Variants in SHANK2 observed in about 807,000 individuals in gnomAD.
The protein encoded by SHANK2 is SH3 and multiple ankyrin repeat domains 2.
A neutral mutation model predicts 133.7 loss-of-function variants in SHANK2; 43 were observed. That is an observed-to-expected ratio of 0.32 (90% CI 0.25 to 0.41). SHANK2 has a LOEUF of 0.41. Among genes scored for constraint, SHANK2 ranks in the 10% least tolerant of loss-of-function variants. The pLI is 1.00. For missense variants in SHANK2, 1,994 were observed against 2,235.8 expected, an observed-to-expected ratio of 0.89 and a Z score of 2.18; for synonymous variants, 1,017 against 952.8, an observed-to-expected ratio of 1.07 and a Z score of -1.24.
At chr11:70,826,097 GC>G (rs1724688526) in intron 11 of SHANK2, among the ~76,000 whole-genome samples, 1 of 152,180 alleles carries the variant, frequency 6.6e-6, no homozygotes, top group Admixed American at 6.5e-5. Flanking sequence ...GCCCCGACCT[GC>G]CTCGGCCAGT....
At chr11:71,121,312 T>C (rs1952079501) in intron 3 of SHANK2, among the ~76,000 whole-genome samples, 1 of 152,202 alleles carries the variant, frequency 6.6e-6, no homozygotes. Context: ...TCTAAATAAA[T>C]GTTGAAGTCC....
intron 11 of SHANK2, among the ~76,000 whole-genome samples, chr11:70,845,230 G>GA (rs1249686220): frequency 7.0e-6 from 1 of 143,258 alleles, no homozygotes; most frequent in Non-Finnish European, 1.5e-5. Context: ...GAAAAAGAAA[G>GA]AAAGAAAAGA....
At chr11:70,650,752 C>A (rs1254733244) in intron 17 of SHANK2, among the ~76,000 whole-genome samples, 4 of 152,200 alleles carry the variant, frequency 2.6e-5, no homozygotes, top group African/African-American at 7.2e-5. Flanking sequence ...AAGCCTGGAG[C>A]CAACACCATC....
At chr11:71,135,163 C>T (rs1952412761) in intron 3 of SHANK2, among the ~76,000 whole-genome samples, 1 of 152,138 alleles carries the variant, frequency 6.6e-6, no homozygotes, top group African/African-American at 2.4e-5. Context: ...GACCCTCTCC[C>T]ATCCTCTGAG....
At position 70,734,439 on chromosome 11, in the gene SHANK2, T is replaced by A. The variant is rs538658597; in HGVS notation, c.1778-35676A>T. 1.9e-4 allele frequency among the ~76,000 whole-genome samples: 29 copies of A among 152,258 alleles called. No individual in the cohort carries two copies. In the South Asian group the frequency reaches 5.4e-3, roughly 28 times the overall value. ...TGACTCCCATACCCAGTCCACACGC[T>A]CCACACTGACAGCTCAGGGTGCCTG... is the stretch of plus-strand genomic sequence containing the variant. On this transcript the variant is annotated intron_variant, in intron 14 of 25. Transcript: ENST00000601538.
Position 70,485,510 on chromosome 11 carries a change from T to C in SHANK2, c.4783A>G (p.Lys1595Glu). The change falls in exon 25 of 26, where the codon AAG (lysine) becomes GAG (glutamate). Residue 1595 changes from lysine (K) to glutamate (E), a missense_variant. Coordinates refer to ENST00000601538, the MANE Select transcript of SHANK2 (RefSeq NM_012309.5). This position sits in a 1 kb window ranked among gnomAD's most constrained non-coding sequence, Gnocchi z 5.8. Reference protein sequence around the residue: ...PPGSAQPGMAKVLQPRTSKLW... With the variant: ...PPGSAQPGMAEVLQPRTSKLW... ...TTGGAGGTCCTTGGCTGGAGAACCT[T>C]GGCCATCCCAGGCTGGGCACTGCCC... is the stretch of plus-strand genomic sequence containing the variant. 1 of 1,613,486 alleles carries C rather than the reference T, an allele frequency of 6.2e-7. No homozygotes were observed. Among genetic ancestry groups the C allele is most frequent in the Non-Finnish European group, 8.5e-7 (1 of 1,179,990 alleles).
chr11:71,166,543 T>C (rs902631818), intron 2 of SHANK2, among the ~76,000 whole-genome samples: 11 of 150,350 alleles, frequency 7.3e-5, no homozygotes, highest in Non-Finnish European at 1.5e-4. Context: ...TGCAGTGGCA[T>C]GATCTCGGCT....
At chr11:70,901,158 C>T (rs1418602884) in intron 10 of SHANK2, among the ~76,000 whole-genome samples, 6 of 152,184 alleles carry the variant, frequency 3.9e-5, no homozygotes, top group Non-Finnish European at 1.5e-5. Context: ...CTCCACATCA[C>T]AGTCAGCACC....
intron 14 of SHANK2, among the ~76,000 whole-genome samples, chr11:70,747,223 G>A (rs1555036419): frequency 1.3e-5 from 2 of 151,996 alleles, no homozygotes; most frequent in Middle Eastern, 3.2e-3. Context: ...CGGTGGCAGA[G>A]TTTGCAGCAA....
intron 10 of SHANK2, among the ~76,000 whole-genome samples, chr11:70,942,124 T>C (rs546154782): frequency 1.9e-4 from 29 of 151,880 alleles, no homozygotes; most frequent in African/African-American, 6.5e-4. Context: ...GAGGCGGAGG[T>C]TGCGGTGAAC....
intron 3 of SHANK2, among the ~76,000 whole-genome samples, chr11:71,137,604 G>A (rs1448437770): frequency 6.6e-6 from 1 of 152,164 alleles, no homozygotes; most frequent in Non-Finnish European, 1.5e-5. Context: ...CTGGCTGCAG[G>A]GAGCTGGGCC....
chr11:70,876,779 C>T (rs566449232), intron 11 of SHANK2, among the ~76,000 whole-genome samples: 5 of 152,234 alleles, frequency 3.3e-5, no homozygotes, highest in African/African-American at 9.6e-5. Flanking sequence ...AGCGCAGAGT[C>T]GAGTCTCGTG....
chr11:71,185,148 TG>T (rs1555114304), intron 2 of SHANK2, among the ~76,000 whole-genome samples: 1 of 152,216 alleles, frequency 6.6e-6, no homozygotes, highest in Non-Finnish European at 1.5e-5. Context: ...GCTACCATGA[TG>T]CTGTCCCAAT....
At chr11:70,612,130 G>A (rs2060667159) in intron 17 of SHANK2, among the ~76,000 whole-genome samples, 1 of 152,160 alleles carries the variant, frequency 6.6e-6, no homozygotes, top group African/African-American at 2.4e-5. Context: ...CTCCTGCCTG[G>A]GAACCAGGGG....
chr11:70,712,487 T>C (rs533063108), intron 14 of SHANK2, among the ~76,000 whole-genome samples: 25 of 152,296 alleles, frequency 1.6e-4, no homozygotes, highest in African/African-American at 4.1e-4. Flanking sequence ...GAAAACTGTT[T>C]ACCTCCCCAT....
chr11:70,869,772 C>T (rs1949429072), intron 11 of SHANK2, among the ~76,000 whole-genome samples: 1 of 152,156 alleles, frequency 6.6e-6, no homozygotes, highest in Non-Finnish European at 1.5e-5. Flanking sequence ...GACGGGGAGT[C>T]CATGGTGGTG....
rs563601524 is a variant in SHANK2 at position 70,846,309 on chromosome 11, G to T, written c.1175-25627C>A. Among the ~76,000 whole-genome samples, 57 of 152,234 alleles carry T rather than the reference G, an allele frequency of 3.7e-4. 1 individual carries two copies. In the South Asian group the frequency reaches 0.011, roughly 31 times the overall value. ...AACACGGTCTCGCTCGGTCGCTCAGGCTGATATGCAGTGGTGCGGTCTCAG... is the reference window on the plus strand; with the variant it reads ...AACACGGTCTCGCTCGGTCGCTCAGTCTGATATGCAGTGGTGCGGTCTCAG... On this transcript the variant is annotated intron_variant, in intron 11 of 25. Transcript: ENST00000601538.
intron 17 of SHANK2, among the ~76,000 whole-genome samples, chr11:70,565,405 C>T (rs551794309): frequency 6.6e-6 from 1 of 152,278 alleles, no homozygotes; most frequent in African/African-American, 2.4e-5. Flanking sequence ...GCCACCATGC[C>T]CGGCTAATTT....
chr11:70,863,406 C>A (rs782732562), intron 11 of SHANK2: 10 of 457,824 alleles, frequency 2.2e-5, no homozygotes, highest in Admixed American at 9.4e-5. Context: ...GGACGAGCCC[C>A]AAGCATCCTC....
Sources: allele counts gnomAD v4.1 joint callset (sites outside exome capture counted in the v4.1 genomes callset), GRCh38; gene constraint gnomAD v4.1.1; non-coding constraint Gnocchi (gnomAD v3.1); transcripts MANE v1.5; gene names NCBI Gene and HGNC (gene_info 2026-07-23, HGNC 2026-07-21).